Variants in IGSF3 observed in about 807,000 individuals in gnomAD.
IGSF3 encodes the protein immunoglobulin superfamily member 3.
Under a neutral mutation model 114.4 loss-of-function variants are expected in IGSF3, and 23 were observed. The observed-to-expected ratio is 0.20, with a 90% confidence interval of 0.14 to 0.28. The LOEUF (loss-of-function observed/expected upper bound fraction) is 0.28, where lower values mean the gene tolerates loss of function less well. Among genes scored for constraint, IGSF3 ranks in the 10% least tolerant of loss-of-function variants. The pLI is 1.00. For missense variants in IGSF3, 1,172 were observed against 1,591.5 expected (o/e 0.74, Z 4.48); for synonymous variants, 571 against 645.2 (o/e 0.88, Z 1.74).
rs1661529787 is a variant in IGSF3 at position 116,624,915 on chromosome 1, C to A, written c.44-8458G>T. ...ACCTGCCACAATGTGAGTGAATGAG[C>A]CAATCAGCACCCAGCTCCACCTGCC... On this transcript the variant is annotated intron_variant, in intron 2 of 10. Coordinates refer to ENST00000369486, the MANE Select transcript of IGSF3 (RefSeq NM_001007237.3). This position sits in a 1 kb window ranked among gnomAD's most constrained non-coding sequence, Gnocchi z 4.9. 6.6e-6 allele frequency among the ~76,000 whole-genome samples: 1 copy of A among 152,188 alleles called. No individual in the cohort carries two copies. The highest frequency in any genetic ancestry group is 1.5e-5 in the Non-Finnish European group (1 of 68,032).
chr1:116,652,327 G>A (rs1295205508), intron 2 of IGSF3, among the ~76,000 whole-genome samples: 1 of 152,162 alleles, frequency 6.6e-6, no homozygotes. Flanking sequence ...TATCCCCTAA[G>A]GATCTTTATT....
At chr1:116,619,608 T>TC (rs1355825665) in intron 2 of IGSF3, among the ~76,000 whole-genome samples, 1 of 152,060 alleles carries the variant, frequency 6.6e-6, no homozygotes, top group Non-Finnish European at 1.5e-5. Context: ...CTTCCACACA[T>TC]CCCACCCCAC....
In IGSF3 at chr1:116,592,020, G is replaced by A. The variant is rs1282179298; in HGVS notation, c.2030-2916C>T. On this transcript the variant is annotated intron_variant, in intron 7 of 10. Transcript: ENST00000369486. The surrounding 1 kb of genome is among the most constrained non-coding windows in gnomAD (Gnocchi z 4.5). ...CATTCCTTTTTGGTTTCTGTGCCTT[G>A]TCCCAAGTTCAAAGTTCAACACTTA... Among the ~76,000 whole-genome samples the A allele has an allele frequency of 6.6e-6, 1 of 152,140 alleles. No homozygotes were observed.
At chr1:116,626,028 AT>A (rs1661562176) in intron 2 of IGSF3, among the ~76,000 whole-genome samples, 1 of 152,218 alleles carries the variant, frequency 6.6e-6, no homozygotes, top group Admixed American at 6.5e-5. Context: ...TAATTCCCTC[AT>A]TACTAAATGT....
In IGSF3 at chr1:116,585,374, T is replaced by G. The variant is rs1163121859; in HGVS notation, c.2441-322A>C. Among the ~76,000 whole-genome samples the G allele has an allele frequency of 6.6e-6, 1 of 151,846 alleles. No homozygotes were observed. The highest frequency in any genetic ancestry group is 1.5e-5 in the Non-Finnish European group (1 of 67,946). ...CCAAATGACAACGGACCACAAAACA[T>G]GTCGCTGGCCGGGGCAGGTGGCTGG... On this transcript the variant is annotated intron_variant, in intron 8 of 10. Transcript: ENST00000369486. The surrounding 1 kb of genome is among the most constrained non-coding windows in gnomAD (Gnocchi z 4.9).
intron 5 of IGSF3, among the ~76,000 whole-genome samples, chr1:116,606,885 T>C (rs559853306): frequency 3.9e-5 from 6 of 152,322 alleles, no homozygotes; most frequent in Admixed American, 1.3e-4. Context: ...TAATTAGGTA[T>C]GTGTGTGCAT....
Position 116,585,120 on chromosome 1 carries a change from G to T in IGSF3, c.2441-68C>A. On this transcript the variant is annotated intron_variant, in intron 8 of 10. Transcript: ENST00000369486. This position sits in a 1 kb window ranked among gnomAD's most constrained non-coding sequence, Gnocchi z 4.9. ...AGCAATTCGTACGCACCCTTTCCCAGGGTAGGTGAATGGATGCCTTCCAAA... is the reference window on the plus strand; with the variant it reads ...AGCAATTCGTACGCACCCTTTCCCATGGTAGGTGAATGGATGCCTTCCAAA... 7.8e-7 allele frequency: 1 copy of T among 1,286,848 alleles called. No homozygotes were observed. 79.7% of individuals were successfully genotyped at this position (1,286,848 alleles called of 1,614,324 possible). A position where few individuals can be genotyped will look rare whatever the true frequency, so the allele number is the denominator to read the frequency against.
At position 116,579,865 on chromosome 1, in the gene IGSF3, T is replaced by C. The variant is rs759330276; in HGVS notation, c.2861A>G (p.Gln954Arg). ...GGCATTGGGGACCACTGTGTCCACC[T>C]GCAGGGAAGCATCTGGGGAATGACA... ...LTVMRPDASL[Q>R]VDTVVPNATV... The change falls in exon 10 of 11, where the codon CAG becomes CGG. Residue 954 changes from glutamine (Q) to arginine (R), a missense_variant. Gln to Arg is a conservative substitution (Grantham distance 43, BLOSUM62 1). This residue lies in a region of IGSF3 where 423 missense variants were observed against 509.8 expected (regional missense o/e 0.83). Transcript: ENST00000369486. The surrounding 1 kb of genome is among the most constrained non-coding windows in gnomAD (Gnocchi z 6.4). 1.2e-5 allele frequency: 20 copies of C among 1,602,462 alleles called. No individual in the cohort carries two copies. In the South Asian group the frequency reaches 1.3e-4, roughly 11 times the overall value.
chr1:116,609,978 C>A (rs1352424160), intron 4 of IGSF3, among the ~76,000 whole-genome samples: 1 of 152,152 alleles, frequency 6.6e-6, no homozygotes, highest in Non-Finnish European at 1.5e-5. Flanking sequence ...CCTCTAGCAG[C>A]CAAACTTCCT....
rs986794211 is a variant in IGSF3 at position 116,588,577 on chromosome 1, C to T, written c.2440+117G>A. 5 of 947,602 alleles carry T rather than the reference C, an allele frequency of 5.3e-6. No homozygotes were observed. In the African/African-American group the frequency reaches 6.6e-5, roughly 13 times the overall value. 58.7% of individuals were successfully genotyped at this position (947,602 alleles called of 1,614,324 possible). A position where few individuals can be genotyped will look rare whatever the true frequency, so the allele number is the denominator to read the frequency against. ...GATGGTCCGTGTACCTGCACCCATA[C>T]TCAGCATGCACCTTGCAGACAGTCT... On this transcript the variant is annotated intron_variant, in intron 8 of 10. Transcript: ENST00000369486. This position sits in a 1 kb window ranked among gnomAD's most constrained non-coding sequence, Gnocchi z 4.9.
At position 116,627,948 on chromosome 1, in the gene IGSF3, C is replaced by T. The variant is rs1006177254; in HGVS notation, c.44-11491G>A. Among the ~76,000 whole-genome samples the T allele has an allele frequency of 2.6e-5, 4 of 152,168 alleles. No homozygotes were observed. Among genetic ancestry groups the T allele is most frequent in the Non-Finnish European group, 2.9e-5 (2 of 68,018 alleles). ...CAGCTCTTCACCCTGGAAAGCACTC[C>T]GGTACAAAACAGGAATATTCCTCTT... On this transcript the variant is annotated intron_variant, in intron 2 of 10. Coordinates refer to ENST00000369486, the MANE Select transcript of IGSF3 (RefSeq NM_001007237.3). The surrounding 1 kb of genome is among the most constrained non-coding windows in gnomAD (Gnocchi z 4.7).
Position 116,603,848 on chromosome 1 carries a change from C to G in IGSF3, c.1400G>C (p.Gly467Ala). The G allele has an allele frequency of 6.2e-7, 1 of 1,614,040 alleles. No homozygotes were observed. Among genetic ancestry groups the G allele is most frequent in the Non-Finnish European group, 8.5e-7 (1 of 1,179,902 alleles). ...GTAGGACGAGCCTGGCTGCACGGTG[C>G]CATCCCGGTCTAGCCACATGATATT... ...RSNIMWLDRD[G>A]TVQPGSSYWE... The change falls in exon 6 of 11, where the codon GGC becomes GCC. Residue 467 changes from glycine (G) to alanine (A), a missense_variant. By Grantham distance (60) the Gly-to-Ala change is moderately conservative. This residue lies in a region of IGSF3 where 736 missense variants were observed against 1,042.0 expected (regional missense o/e 0.71). Transcript: ENST00000369486. This position sits in a 1 kb window ranked among gnomAD's most constrained non-coding sequence, Gnocchi z 7.1.
In IGSF3 at chr1:116,629,414, T is replaced by C. The variant is rs1051962181; in HGVS notation, c.44-12957A>G. On this transcript the variant is annotated intron_variant, in intron 2 of 10. Transcript: ENST00000369486. This position sits in a 1 kb window ranked among gnomAD's most constrained non-coding sequence, Gnocchi z 4.3. Reference sequence around the variant, plus strand: ...CACTTTGTGTTTTCTAAGTATTCCATAGTCTGAATGAATTAGCTTCATAAT... The same window carrying C: ...CACTTTGTGTTTTCTAAGTATTCCACAGTCTGAATGAATTAGCTTCATAAT... Among the ~76,000 whole-genome samples, 2 of 152,232 alleles carry C rather than the reference T, an allele frequency of 1.3e-5. No homozygotes were observed. The highest frequency in any genetic ancestry group is 2.4e-5 in the African/African-American group (1 of 41,464).
At chr1:116,581,683 ACAG>A (rs1659608129) in intron 9 of IGSF3, among the ~76,000 whole-genome samples, 1 of 152,176 alleles carries the variant, frequency 6.6e-6, no homozygotes, top group Non-Finnish European at 1.5e-5. Flanking sequence ...CACTGCTGGC[ACAG>A]GAGGGCTCAG....
At chr1:116,658,754 C>T (rs1323747222) in intron 2 of IGSF3, among the ~76,000 whole-genome samples, 4 of 152,190 alleles carry the variant, frequency 2.6e-5, no homozygotes, top group Non-Finnish European at 4.4e-5. Flanking sequence ...CTCTGGCCTC[C>T]CCTTCACTCC....
At position 116,636,999 on chromosome 1, in the gene IGSF3, T is replaced by C. The variant is rs1647857749; in HGVS notation, c.44-20542A>G. 6.6e-6 allele frequency among the ~76,000 whole-genome samples: 1 copy of C among 152,194 alleles called. No homozygotes were observed. The highest frequency in any genetic ancestry group is 1.5e-5 in the Non-Finnish European group (1 of 68,046). On this transcript the variant is annotated intron_variant, in intron 2 of 10. Transcript: ENST00000369486. This position sits in a 1 kb window ranked among gnomAD's most constrained non-coding sequence, Gnocchi z 4.5. ...TAAAAAATTGTTGGGGGAGTACATT[T>C]GTAAGGAAGTTTGCCAGCAGATTCA...
Position 116,654,579 on chromosome 1 carries a change from G to C in IGSF3, c.43+11705C>G, listed in dbSNP as rs1468204402. On this transcript the variant is annotated intron_variant, in intron 2 of 10. Coordinates refer to ENST00000369486, the MANE Select transcript of IGSF3 (RefSeq NM_001007237.3). The surrounding 1 kb of genome is among the most constrained non-coding windows in gnomAD (Gnocchi z 4.4). The stretch of plus-strand genomic sequence containing the variant: ...AGGGCGCCCTCAGGGAGGCCACACT[G>C]CAGGAGGCAAAGTATGAGGTGGGGA... Among the ~76,000 whole-genome samples the C allele has an allele frequency of 1.3e-5, 2 of 152,174 alleles. No homozygotes were observed. Among genetic ancestry groups the C allele is most frequent in the Admixed American group, 1.3e-4 (2 of 15,288 alleles).
rs1661520692 is a variant in IGSF3, at chr1:116,624,579, T to C, written c.44-8122A>G. ...AATTTCTCCCACACACCGTGGCAGG[T>C]TGTATTCTCCAGACACAGCAGTAAC... On this transcript the variant is annotated intron_variant, in intron 2 of 10. Coordinates refer to ENST00000369486, the MANE Select transcript of IGSF3 (RefSeq NM_001007237.3). The surrounding 1 kb of genome is among the most constrained non-coding windows in gnomAD (Gnocchi z 4.9). 6.6e-6 allele frequency among the ~76,000 whole-genome samples: 1 copy of C among 152,212 alleles called. No homozygotes were observed.
chr1:116,596,489 G>A lies in IGSF3; in HGVS notation c.2029+3452C>T, dbSNP rs1428381994. 2.0e-5 allele frequency among the ~76,000 whole-genome samples: 3 copies of A among 152,108 alleles called. No individual in the cohort carries two copies. Among genetic ancestry groups the A allele is most frequent in the Non-Finnish European group, 4.4e-5 (3 of 68,026 alleles). ...CTGGAAGAATCAGGAGTTAAAAGAG[G>A]CACAAGATAAAACTTCTACACCATC... is the stretch of plus-strand genomic sequence containing the variant. On this transcript the variant is annotated intron_variant, in intron 7 of 10. Coordinates refer to ENST00000369486, the MANE Select transcript of IGSF3 (RefSeq NM_001007237.3). This position sits in a 1 kb window ranked among gnomAD's most constrained non-coding sequence, Gnocchi z 4.1.
Sources: allele counts gnomAD v4.1 joint callset (sites outside exome capture counted in the v4.1 genomes callset), GRCh38; gene constraint gnomAD v4.1.1; regional missense constraint gnomAD v4.1.1; non-coding constraint Gnocchi (gnomAD v3.1); transcripts MANE v1.5; gene names NCBI Gene and HGNC (gene_info 2026-07-23, HGNC 2026-07-21).